CDH13: variants seen among roughly 807,000 people sequenced by gnomAD.
The protein encoded by CDH13 is cadherin-13.
In CDH13, 24 loss-of-function variants were observed where a neutral mutation model predicts 63.8. That is an observed-to-expected ratio of 0.38 (90% confidence interval 0.27 to 0.53). The LOEUF (loss-of-function observed/expected upper bound fraction) is 0.53. CDH13 is among the 20% of genes least tolerant of loss of function. CDH13 has a pLI of 0.85. For synonymous variants in CDH13, 503 were observed against 355.3 expected (o/e 1.42, Z -4.67); for missense variants, 1,049 against 903.1 (o/e 1.16, Z -2.07).
chr16:83,258,405 T>C (rs908880662), intron 5 of CDH13, among the ~76,000 whole-genome samples: 24 of 152,288 alleles, frequency 1.6e-4, no homozygotes, highest in African/African-American at 5.5e-4. Context: ...CTCAAAGATA[T>C]CTAGTGATGT....
At chr16:82,942,379 A>G (rs940219724) in intron 2 of CDH13, among the ~76,000 whole-genome samples, 3 of 152,324 alleles carry the variant, frequency 2.0e-5, no homozygotes, top group South Asian at 2.1e-4. Flanking sequence ...CCTTGTGCCA[A>G]TATGAGGGTG....
At chr16:83,299,125 C>T (rs1296959877) in intron 5 of CDH13, among the ~76,000 whole-genome samples, 2 of 152,122 alleles carry the variant, frequency 1.3e-5, no homozygotes. Flanking sequence ...ATACCATATA[C>T]ACTGTTTTGC....
At chr16:82,825,569 T>C (rs2038206243) in intron 1 of CDH13, 1 of 146,796 alleles carries the variant, frequency 6.8e-6, no homozygotes, top group Admixed American at 7.0e-5. Flanking sequence ...CCAAACAGAG[T>C]CTCCCTCTGT....
chr16:83,469,257 G>T (rs2073394747), intron 6 of CDH13, among the ~76,000 whole-genome samples: 1 of 152,156 alleles, frequency 6.6e-6, no homozygotes, highest in African/African-American at 2.4e-5. Flanking sequence ...AATGTTCAGT[G>T]TGTCCAGTCT....
At chr16:83,571,639 C>G (rs542772217) in intron 7 of CDH13, among the ~76,000 whole-genome samples, 29 of 152,258 alleles carry the variant, frequency 1.9e-4, no homozygotes, top group African/African-American at 6.7e-4. Flanking sequence ...TGGCATGTGC[C>G]TTGAGAATCC....
chr16:83,120,153 GTTTTTCCCGAATCAGAGCTTCCTGCTTC>G (rs2035501082), intron 3 of CDH13, among the ~76,000 whole-genome samples: 1 of 152,010 alleles, frequency 6.6e-6, no homozygotes, highest in African/African-American at 2.4e-5. Context: ...TCCAGGTACT[GTTTTTCCCGAATCAGAGCTTCCTGCTTC>G]TTTTCTTGGG....
intron 5 of CDH13, among the ~76,000 whole-genome samples, chr16:83,329,165 C>T (rs763594491): frequency 6.6e-6 from 1 of 152,190 alleles, no homozygotes; most frequent in Non-Finnish European, 1.5e-5. Context: ...GGTTGAATTT[C>T]AGAAATCTGC....
At chr16:83,558,842 A>G (rs570779175) in intron 7 of CDH13, among the ~76,000 whole-genome samples, 3 of 152,334 alleles carry the variant, frequency 2.0e-5, no homozygotes, top group African/African-American at 7.2e-5. Context: ...GGTAGGTAGG[A>G]AAACTGGATC....
chr16:83,032,183 A>G lies in CDH13; in HGVS notation c.331A>G (p.Ile111Val). ...PHAEDMAELV[I>V]VGGKDIQGSL... ...TGCGGAAGATATGGCAGAACTCGTG[A>G]TTGTCGGGGGGAAAGACATCCAGGG... Residue 111 changes from isoleucine to valine, a missense_variant, in exon 3 of 14, where the codon ATT (isoleucine) becomes GTT (valine). Coordinates refer to ENST00000567109, the MANE Select transcript of CDH13 (RefSeq NM_001257.5). The G allele has an allele frequency of 6.2e-7, 1 of 1,613,678 alleles. No individual in the cohort carries two copies. The highest frequency in any genetic ancestry group is 8.5e-7 in the Non-Finnish European group (1 of 1,179,732).
Position 82,644,786 on chromosome 16 carries a change from C to A in CDH13, c.45+17649C>A, listed in dbSNP as rs141660699. Among the ~76,000 whole-genome samples the A allele has an allele frequency of 6.2e-4, 94 of 152,212 alleles. No individual in the cohort carries two copies. The highest frequency in any genetic ancestry group is 1.1e-3 in the Non-Finnish European group (74 of 68,022). Reference sequence around the variant, plus strand: ...CTTTCCAGGTAGCAACAGGAGATCACGCAAAGCCACGTAAGTGTCTGATTC... The same window carrying A: ...CTTTCCAGGTAGCAACAGGAGATCAAGCAAAGCCACGTAAGTGTCTGATTC... On this transcript the variant is annotated intron_variant, in intron 1 of 13. Coordinates refer to ENST00000567109, the MANE Select transcript of CDH13 (RefSeq NM_001257.5). This position sits in a 1 kb window ranked among gnomAD's most constrained non-coding sequence, Gnocchi z 5.7.
intron 1 of CDH13, among the ~76,000 whole-genome samples, chr16:82,652,879 A>G (rs890442281): frequency 1.3e-5 from 2 of 152,174 alleles, no homozygotes; most frequent in East Asian, 3.8e-4. Context: ...ACCAGAAGAA[A>G]ATCAAAACTG....
At chr16:83,279,796 C>G (rs2089107259) in intron 5 of CDH13, among the ~76,000 whole-genome samples, 1 of 151,790 alleles carries the variant, frequency 6.6e-6, no homozygotes, top group African/African-American at 2.4e-5. Flanking sequence ...AGGTTGATTT[C>G]AGACCACCAC....
chr16:83,291,362 G>T (rs1420333843), intron 5 of CDH13, among the ~76,000 whole-genome samples: 2 of 151,658 alleles, frequency 1.3e-5, no homozygotes, highest in South Asian at 2.1e-4. Flanking sequence ...TCAGCTTATT[G>T]TACCCCCGCT....
At chr16:83,133,765 C>T (rs1332727226) in intron 4 of CDH13, among the ~76,000 whole-genome samples, 1 of 152,322 alleles carries the variant, frequency 6.6e-6, no homozygotes, top group Non-Finnish European at 1.5e-5. Flanking sequence ...GCCCAAAGTG[C>T]TGGGATTACA....
At chr16:82,672,339 G>A (rs9938220) in intron 1 of CDH13, among the ~76,000 whole-genome samples, 2,927 of 152,114 alleles carry the variant, frequency 0.019, 69 homozygotes, top group African/African-American at 0.062. Flanking sequence ...CTGAGCATCC[G>A]ACTTAGAAGT....
At chr16:83,390,950 C>G (rs1293948718) in intron 6 of CDH13, among the ~76,000 whole-genome samples, 1 of 152,100 alleles carries the variant, frequency 6.6e-6, no homozygotes, top group Non-Finnish European at 1.5e-5. Context: ...CTTAGCAGGC[C>G]AGCTTCCTGT....
chr16:83,722,469 C>G (rs1909824616), intron 10 of CDH13, among the ~76,000 whole-genome samples: 1 of 152,072 alleles, frequency 6.6e-6, no homozygotes, highest in African/African-American at 2.4e-5. Flanking sequence ...GGGAGTAACT[C>G]GAAACTGGCC....
At chr16:83,052,087 A>C (rs539588703) in intron 3 of CDH13, among the ~76,000 whole-genome samples, 9 of 152,338 alleles carry the variant, frequency 5.9e-5, no homozygotes, top group Admixed American at 6.5e-5. Flanking sequence ...GCAGCTAACT[A>C]TATCATGCAT....
At chr16:83,193,404 C>A (rs372396241) in intron 4 of CDH13, among the ~76,000 whole-genome samples, 16 of 152,258 alleles carry the variant, frequency 1.1e-4, no homozygotes, top group African/African-American at 3.8e-4. Context: ...ATGCCAGTTG[C>A]GAGCCCCAAA....
Sources: gnomAD v4.1 joint callset for allele counts (sites outside exome capture counted in the v4.1 genomes callset) on GRCh38, gnomAD v4.1.1 for gene constraint, Gnocchi (gnomAD v3.1) non-coding constraint, MANE v1.5 for transcripts, NCBI Gene and HGNC (gene_info 2026-07-23, HGNC 2026-07-21) for gene names.